FRY: variants seen among roughly 807,000 people sequenced by gnomAD.
FRY encodes FRY microtubule binding protein.
In FRY, 128 loss-of-function variants were observed where a neutral mutation model predicts 348.4. The observed-to-expected ratio is 0.37, with a 90% CI of 0.32 to 0.43. The LOEUF is 0.43. Among genes scored for constraint, FRY ranks in the 20% least tolerant of loss-of-function variants. The pLI is 1.00. For synonymous variants in FRY, 1,370 were observed against 1,374.7 expected (o/e 1.00, Z 0.08); for missense variants, 2,736 against 3,695.2 (o/e 0.74, Z 6.73).
In FRY at chr13:32,148,222, C is replaced by T. The variant is rs575806800; in HGVS notation, c.1392+275C>T. On this transcript the variant is annotated intron_variant, in intron 13 of 60. Transcript: ENST00000542859. ...GAGTCACAAAGTCTGTGAATTAGTACGATTGTCTTGACTCTTCACCTCTGT... is the reference window on the plus strand; with the variant it reads ...GAGTCACAAAGTCTGTGAATTAGTATGATTGTCTTGACTCTTCACCTCTGT... Among the ~76,000 whole-genome samples, 4 of 152,226 alleles carry T rather than the reference C, an allele frequency of 2.6e-5. No individual in the cohort carries two copies. In the South Asian group the frequency reaches 8.3e-4, roughly 32 times the overall value.
rs182280782 is a variant in FRY, at chr13:32,151,223, G to A, written c.1479+1389G>A. 3.8e-3 allele frequency among the ~76,000 whole-genome samples: 582 copies of A among 152,272 alleles called. 2 individuals are homozygous for A. The highest frequency in any genetic ancestry group is 0.013 in the African/African-American group (559 of 41,548). On this transcript the variant is annotated intron_variant, in intron 14 of 60. Transcript: ENST00000542859. ...TCACTGTCTATAAAATGTATTCTTG[G>A]TTCTTTTCTCAAACTCCTCATTCAG... is the stretch of plus-strand genomic sequence containing the variant.
intron 2 of FRY, among the ~76,000 whole-genome samples, chr13:32,094,009 G>C (rs1417472883): frequency 2.6e-5 from 4 of 152,120 alleles, no homozygotes; most frequent in African/African-American, 7.2e-5. Context: ...TCATTATTTT[G>C]AGCTTCCTTT....
intron 8 of FRY, 151 bp downstream of exon 8, chr13:32,131,991 A>C: frequency 1.4e-6 from 1 of 718,892 alleles, no homozygotes; most frequent in Non-Finnish European, 2.5e-6. Flanking sequence ...TTGTAACCAA[A>C]TAGTACAGTT....
chr13:32,113,640 A>G (rs891459651), intron 3 of FRY, among the ~76,000 whole-genome samples: 6 of 152,254 alleles, frequency 3.9e-5, no homozygotes, highest in African/African-American at 1.4e-4. Context: ...ATTTAAATGC[A>G]ACAAGAACAT....
intron 51 of FRY, 117 bp downstream of exon 51, chr13:32,254,511 T>A: frequency 1.9e-6 from 2 of 1,055,964 alleles, no homozygotes; most frequent in Admixed American, 1.9e-5. Flanking sequence ...TGGAAAGTTG[T>A]AAACTTTATT....
At chr13:32,072,442 T>C (rs1874726817) in intron 1 of FRY, among the ~76,000 whole-genome samples, 1 of 152,206 alleles carries the variant, frequency 6.6e-6, no homozygotes, top group Non-Finnish European at 1.5e-5. Flanking sequence ...ATTTTTTTTG[T>C]CCCAACATTT....
In FRY at chr13:32,233,280, G is replaced by A. The variant is rs148338905; in HGVS notation, c.5528-1294G>A. On this transcript the variant is annotated intron_variant, in intron 41 of 60. Coordinates refer to ENST00000542859, the MANE Select transcript of FRY (RefSeq NM_023037.3). ...ATTATCCCTTCTGGCCCACTTTCAT[G>A]TAGCAGCCAAATGTGCTGCAGAGCC... Among the ~76,000 whole-genome samples the A allele has an allele frequency of 2.6e-5, 4 of 152,274 alleles. No individual in the cohort carries two copies. In the East Asian group the frequency reaches 7.7e-4, roughly 29 times the overall value.
At chr13:32,233,396 G>A (rs770341511) in intron 41 of FRY, among the ~76,000 whole-genome samples, 4 of 152,178 alleles carry the variant, frequency 2.6e-5, no homozygotes, top group East Asian at 3.8e-4. Context: ...GGCACAGCAA[G>A]TATATAATTT....
At chr13:32,100,762 G>C (rs190801930) in intron 2 of FRY, among the ~76,000 whole-genome samples, 25 of 152,304 alleles carry the variant, frequency 1.6e-4, no homozygotes, top group Non-Finnish European at 5.9e-5. Context: ...ATACCCAGAA[G>C]TCCAAGATCA....
Position 32,237,281 on chromosome 13 carries a change from T to C in FRY, c.5811-98T>C, listed in dbSNP as rs972544034. ...AATAGAAAGTGGCATTTCTAAAGAA[T>C]GATTTCCCTCCTGCAGTGTTTCTCA... On this transcript the variant is annotated intron_variant, in intron 43 of 60. Coordinates refer to ENST00000542859, the MANE Select transcript of FRY (RefSeq NM_023037.3). The surrounding 1 kb of genome is among the most constrained non-coding windows in gnomAD (Gnocchi z 6.3). 2 of 1,176,176 alleles carry C rather than the reference T, an allele frequency of 1.7e-6. No homozygotes were observed. Among genetic ancestry groups the C allele is most frequent in the Non-Finnish European group, 2.5e-6 (2 of 804,778 alleles). 72.9% of individuals were successfully genotyped at this position (1,176,176 alleles called of 1,614,324 possible).
At chr13:32,254,467 C>A (rs1887238191) in intron 51 of FRY, 73 bp downstream of exon 51, 1 of 1,299,226 alleles carries the variant, frequency 7.7e-7, no homozygotes, top group Non-Finnish European at 1.1e-6. Flanking sequence ...TTTTTACCTG[C>A]TAAATAATGA....
rs529841777 is a variant in FRY, at chr13:32,183,497, G to A, written c.3054+463G>A. ...AAAATAATAATAAGACTAGAAAAGG[G>A]CCAGGCGCGATGGCGCACGCCTGTA... On this transcript the variant is annotated intron_variant, in intron 24 of 60. Coordinates refer to ENST00000542859, the MANE Select transcript of FRY (RefSeq NM_023037.3). Among the ~76,000 whole-genome samples the A allele has an allele frequency of 2.6e-5, 4 of 152,330 alleles. No individual in the cohort carries two copies. In the East Asian group the frequency reaches 7.7e-4, roughly 29 times the overall value.
chr13:32,189,087 A>T (rs1463370343), intron 28 of FRY, among the ~76,000 whole-genome samples: 1 of 152,096 alleles, frequency 6.6e-6, no homozygotes, highest in African/African-American at 2.4e-5. Context: ...CAGGTTTTCT[A>T]TTTGTAAACT....
At chr13:32,279,659 G>A (rs986308954) in intron 58 of FRY, among the ~76,000 whole-genome samples, 5 of 152,146 alleles carry the variant, frequency 3.3e-5, no homozygotes, top group Non-Finnish European at 7.3e-5. Flanking sequence ...CATTACTACT[G>A]GAAAAGTGTT....
chr13:32,100,744 A>G (rs996974959), intron 2 of FRY, among the ~76,000 whole-genome samples: 6 of 152,220 alleles, frequency 3.9e-5, no homozygotes, highest in Non-Finnish European at 8.8e-5. Context: ...TACTGCTCAG[A>G]GTTTTGGATA....
chr13:32,148,476 A>G lies in FRY; in HGVS notation c.1392+529A>G, dbSNP rs185633592. Among the ~76,000 whole-genome samples the G allele has an allele frequency of 2.6e-3, 400 of 152,376 alleles. 4 individuals carry two copies. The highest frequency in any genetic ancestry group is 9.0e-3 in the African/African-American group (373 of 41,594). ...ATATTAATGACTTAAAAACAGGTCC[A>G]GTAATATTAAACATAGTTTTTAATA... On this transcript the variant is annotated intron_variant, in intron 13 of 60. Coordinates refer to ENST00000542859, the MANE Select transcript of FRY (RefSeq NM_023037.3).
chr13:32,079,167 T>C, intron 2 of FRY, 134 bp downstream of exon 2: 2 of 756,328 alleles, frequency 2.6e-6, no homozygotes, highest in Non-Finnish European at 4.7e-6. Flanking sequence ...ATAGGTAATG[T>C]TTTAAAGATA....
intron 17 of FRY, among the ~76,000 whole-genome samples, chr13:32,165,027 G>A (rs798975): frequency 0.26 from 40,013 of 152,062 alleles, 5,663 homozygotes; most frequent in Middle Eastern, 0.37. Flanking sequence ...AACATACACC[G>A]TGCTATACAA....
Position 32,185,063 on chromosome 13 carries a change from T to G in FRY, c.3234T>G (p.Ala1078=), listed in dbSNP as rs1438801058. The change falls in exon 26 of 61, where the codon GCT becomes GCG. Residue 1078 remains alanine (A), a synonymous_variant. Coordinates refer to ENST00000542859, the MANE Select transcript of FRY (RefSeq NM_023037.3). ...ACTTGACCCGCATGCTCCTAGAAGC[T>G]GAAAATGACAAAGAAGTTGAAATTC... is the stretch of plus-strand genomic sequence containing the variant. The part of the protein sequence containing the change: ...YVDLTRMLLE[A]ENDKEVEILK... 1 of 1,613,946 alleles carries G rather than the reference T, an allele frequency of 6.2e-7. No individual in the cohort carries two copies. The highest frequency in any genetic ancestry group is 8.5e-7 in the Non-Finnish European group (1 of 1,179,796).
Sources: allele counts gnomAD v4.1 joint callset (sites outside exome capture counted in the v4.1 genomes callset), GRCh38; gene constraint gnomAD v4.1.1; non-coding constraint Gnocchi (gnomAD v3.1); transcripts MANE v1.5; gene names NCBI Gene and HGNC (gene_info 2026-07-23, HGNC 2026-07-21).